KLHL1: variants seen among roughly 807,000 people sequenced by gnomAD.
KLHL1 encodes the protein kelch-like protein 1.
Under a neutral mutation model 77.7 loss-of-function variants are expected in KLHL1, and 47 were observed. The ratio of observed to expected loss-of-function variants is 0.60; its 90% CI spans 0.48 to 0.77. KLHL1 has a LOEUF of 0.77. Ranked by LOEUF, KLHL1 falls within the 30% of genes least tolerant of loss-of-function variation. The probability of loss-of-function intolerance (pLI) is 0.00; values close to 1 mark genes in which losing one functional copy is unlikely to be tolerated. For synonymous variants in KLHL1, 360 were observed against 325.2 expected (o/e 1.11, Z -1.15); for missense variants, 925 against 910.8 (o/e 1.02, Z -0.20).
In KLHL1 at chr13:69,759,791, A is replaced by T. The variant is rs113386100; in HGVS notation, c.1640-19235T>A. 1.2e-3 allele frequency among the ~76,000 whole-genome samples: 186 copies of T among 152,316 alleles called. 2 individuals carry two copies. Among genetic ancestry groups the T allele is most frequent in the African/African-American group, 4.4e-3 (181 of 41,560 alleles). On this transcript the variant is annotated intron_variant, in intron 7 of 10. Transcript: ENST00000377844. ...ACCTCAGAGCTGAGACTTCATGCCT[A>T]AATATTGTATCGTCATTTGCCCAAA...
intron 2 of KLHL1, among the ~76,000 whole-genome samples, chr13:69,965,972 C>G (rs1308727370): frequency 1.3e-5 from 2 of 152,132 alleles, no homozygotes; most frequent in Non-Finnish European, 2.9e-5. Context: ...GGAAAGAAGT[C>G]TTCTCCATAA....
chr13:70,026,308 T>C (rs534166271), intron 1 of KLHL1, among the ~76,000 whole-genome samples: 118 of 152,262 alleles, frequency 7.7e-4, no homozygotes, highest in African/African-American at 2.7e-3. Context: ...AATACTACTG[T>C]ACCCATTGTT....
chr13:69,935,870 A>G (rs1883172557), intron 4 of KLHL1, among the ~76,000 whole-genome samples: 1 of 152,210 alleles, frequency 6.6e-6, no homozygotes. Context: ...TGATGAATGT[A>G]TTACAAGATA....
Position 70,107,596 on chromosome 13 carries a change from C to A in KLHL1, c.104G>T (p.Gly35Val), listed in dbSNP as rs769741754. The change falls in exon 1 of 11, where the codon GGA (glycine) becomes GTA (valine). Residue 35 changes from glycine (G) to valine (V), a missense_variant. Coordinates refer to ENST00000377844, the MANE Select transcript of KLHL1 (RefSeq NM_020866.3). ...ACTGCCGTCCTGTTGCAGGCAGCCTCCCCCCGCCGGGCCGCCGGTGGAAGG... is the reference window on the plus strand; with the variant it reads ...ACTGCCGTCCTGTTGCAGGCAGCCTACCCCCGCCGGGCCGCCGGTGGAAGG... The part of the protein sequence containing the change: ...PSPSTGGPAG[G>V]GCLQQDGSGS... The A allele has an allele frequency of 1.9e-6, 3 of 1,597,236 alleles. No individual in the cohort carries two copies. Among genetic ancestry groups the A allele is most frequent in the Non-Finnish European group, 2.6e-6 (3 of 1,171,734 alleles).
chr13:70,012,032 C>A (rs1885545890), intron 1 of KLHL1, among the ~76,000 whole-genome samples: 1 of 152,030 alleles, frequency 6.6e-6, no homozygotes, highest in Admixed American at 6.6e-5. Flanking sequence ...ATAAAACCAT[C>A]AGATCTCATG....
At chr13:69,883,352 C>A (rs1881072364) in intron 4 of KLHL1, among the ~76,000 whole-genome samples, 1 of 152,154 alleles carries the variant, frequency 6.6e-6, no homozygotes, top group Non-Finnish European at 1.5e-5. Context: ...TCCTCCCTTA[C>A]TTACTCCATT....
intron 5 of KLHL1, among the ~76,000 whole-genome samples, chr13:69,848,469 G>T (rs918786094): frequency 1.3e-5 from 2 of 151,374 alleles, no homozygotes; most frequent in African/African-American, 2.4e-5. Context: ...TTTTGGCAAA[G>T]AATTGAATCT....
chr13:69,756,286 T>C (rs369279590), intron 7 of KLHL1, among the ~76,000 whole-genome samples: 9 of 152,204 alleles, frequency 5.9e-5, no homozygotes, highest in African/African-American at 2.2e-4. Flanking sequence ...AAAGGGATAA[T>C]ACTAGTGCAA....
intron 4 of KLHL1, among the ~76,000 whole-genome samples, chr13:69,906,477 T>C (rs1350027557): frequency 6.6e-6 from 1 of 152,018 alleles, no homozygotes; most frequent in African/African-American, 2.4e-5. Context: ...AAATTAATAT[T>C]AAAATTGTTA....
At chr13:69,993,186 A>G (rs1231966420) in intron 1 of KLHL1, among the ~76,000 whole-genome samples, 1 of 152,132 alleles carries the variant, frequency 6.6e-6, no homozygotes, top group Non-Finnish European at 1.5e-5. Context: ...GACCAGAACC[A>G]ATGAATGAGA....
At chr13:69,959,548 A>C (rs1447079901) in intron 3 of KLHL1, among the ~76,000 whole-genome samples, 9 of 132,730 alleles carry the variant, frequency 6.8e-5, no homozygotes. Context: ...CTTTTTTCAG[A>C]CTACTCATTA....
intron 5 of KLHL1, among the ~76,000 whole-genome samples, chr13:69,868,718 A>AT (rs576296024): frequency 0.021 from 3,148 of 150,142 alleles, 91 homozygotes; most frequent in African/African-American, 0.07. Flanking sequence ...TCAAAAGATA[A>AT]TTTTTTTTTT....
chr13:69,751,305 T>C (rs565647047), intron 7 of KLHL1, among the ~76,000 whole-genome samples: 3 of 152,168 alleles, frequency 2.0e-5, no homozygotes, highest in Middle Eastern at 3.4e-3. Flanking sequence ...CCAATACTTA[T>C]GATATGCCTT....
chr13:69,987,598 A>G (rs1884908890), intron 1 of KLHL1, among the ~76,000 whole-genome samples: 1 of 151,960 alleles, frequency 6.6e-6, no homozygotes, highest in South Asian at 2.1e-4. Context: ...CAGTGGAAGT[A>G]AAGAAGGTTG....
intron 1 of KLHL1, among the ~76,000 whole-genome samples, chr13:69,980,066 C>T (rs114537270): frequency 2.0e-5 from 3 of 152,282 alleles, no homozygotes; most frequent in African/African-American, 7.2e-5. Flanking sequence ...CTATCATTGA[C>T]GGCTGAGAAC....
chr13:70,042,532 A>G (rs780567095), intron 1 of KLHL1, among the ~76,000 whole-genome samples: 5 of 152,176 alleles, frequency 3.3e-5, no homozygotes, highest in Non-Finnish European at 7.3e-5. Flanking sequence ...TAATTGCACA[A>G]TGTATTACCT....
At chr13:69,902,463 T>A (rs978644427) in intron 4 of KLHL1, among the ~76,000 whole-genome samples, 17 of 152,090 alleles carry the variant, frequency 1.1e-4, no homozygotes, top group Non-Finnish European at 2.2e-4. Flanking sequence ...TTGTAACATT[T>A]TAAAGGGTAA....
At chr13:69,713,093 G>A (rs1027448674) in intron 9 of KLHL1, among the ~76,000 whole-genome samples, 2 of 152,064 alleles carry the variant, frequency 1.3e-5, no homozygotes, top group African/African-American at 4.8e-5. Context: ...GCTTCCCAAA[G>A]AGCTGGAATT....
intron 9 of KLHL1, among the ~76,000 whole-genome samples, chr13:69,717,213 G>A (rs921545739): frequency 2.6e-5 from 4 of 152,088 alleles, no homozygotes; most frequent in African/African-American, 9.7e-5. Flanking sequence ...ACAAAACATA[G>A]CATTGCACAC....
Sources: gnomAD v4.1 joint callset for allele counts (sites outside exome capture counted in the v4.1 genomes callset) on GRCh38, gnomAD v4.1.1 for gene constraint, MANE v1.5 for transcripts, NCBI Gene and HGNC (gene_info 2026-07-23, HGNC 2026-07-21) for gene names.